UBA6: variants seen among roughly 807,000 people sequenced by gnomAD.
The protein encoded by UBA6 is ubiquitin-like modifier-activating enzyme 6.
A neutral mutation model predicts 148.3 loss-of-function variants in UBA6; 87 were observed. That is an observed-to-expected ratio of 0.59 (90% CI 0.49 to 0.70). The LOEUF is 0.70. Among genes scored for constraint, UBA6 ranks in the 30% least tolerant of loss-of-function variants. The pLI, the probability that UBA6 is intolerant of heterozygous loss-of-function variation, is 0.00. For synonymous variants in UBA6, 376 were observed against 401.0 expected (o/e 0.94, Z 0.75); for missense variants, 1,186 against 1,241.2 (o/e 0.96, Z 0.67).
At chr4:67,663,582 T>A (rs1262552270) in intron 11 of UBA6, 1 of 396,106 alleles carries the variant, frequency 2.5e-6, no homozygotes, top group African/African-American at 2.0e-5. Flanking sequence ...ATTCAGAAAA[T>A]CTTTTAATAA....
At chr4:67,620,130 G>C (rs1225428967) in intron 32 of UBA6, among the ~76,000 whole-genome samples, 1 of 148,182 alleles carries the variant, frequency 6.7e-6, no homozygotes, top group African/African-American at 2.6e-5. Flanking sequence ...CCTCATACTT[G>C]AGTCATTCCA....
chr4:67,686,952 TAAAAAAAA>T (rs546442640), intron 2 of UBA6, among the ~76,000 whole-genome samples: 2 of 57,182 alleles, frequency 3.5e-5, no homozygotes, highest in Non-Finnish European at 6.1e-5. Flanking sequence ...ATCCTGTCTC[TAAAAAAAA>T]AAAAAAAAAA....
chr4:67,634,817 T>A (rs1458575888), intron 20 of UBA6, among the ~76,000 whole-genome samples: 1 of 152,092 alleles, frequency 6.6e-6, no homozygotes, highest in Non-Finnish European at 1.5e-5. Flanking sequence ...TTTTTCCTCA[T>A]GAATCAAGGT....
At chr4:67,642,322 T>G (rs1185027128) in intron 17 of UBA6, among the ~76,000 whole-genome samples, 1 of 152,102 alleles carries the variant, frequency 6.6e-6, no homozygotes, top group Non-Finnish European at 1.5e-5. Flanking sequence ...ACTTAAGATC[T>G]AAAATTTATT....
Position 67,618,978 on chromosome 4 carries a change from A to AAT in UBA6, c.*18_*19insAT. On this transcript the variant is annotated 3_prime_UTR_variant, in exon 33 of 33. Coordinates refer to ENST00000322244, the MANE Select transcript of UBA6 (RefSeq NM_018227.6). Reference sequence around the variant, plus strand: ...TTCCAAAATCAAGTGGTCCTGGAGTAACGTTAAGACAACTTGTATTAATCA... The same window carrying AAT: ...TTCCAAAATCAAGTGGTCCTGGAGTAATACGTTAAGACAACTTGTATTAATCA... The AAT allele has an allele frequency of 6.2e-7, 1 of 1,610,246 alleles. No homozygotes were observed. The highest frequency in any genetic ancestry group is 8.5e-7 in the Non-Finnish European group (1 of 1,178,780).
In UBA6 at chr4:67,622,700, C is replaced by T. The variant is rs1434244051; in HGVS notation, c.3023+131G>A. The T allele has an allele frequency of 6.4e-6, 4 of 629,310 alleles. No homozygotes were observed. In the African/African-American group the frequency reaches 7.6e-5, roughly 12 times the overall value. 39.0% of individuals were successfully genotyped at this position (629,310 alleles called of 1,614,324 possible). On this transcript the variant is annotated intron_variant, in intron 32 of 32. Transcript: ENST00000322244. ...GGCCTTCACCTGGCAGATTCACTGT[C>T]TTTATTAATGTCATTAGACAAGACT...
chr4:67,634,540 C>T (rs1304297233), intron 20 of UBA6, 22 bp from the exon 21 acceptor site: 1 of 1,524,994 alleles, frequency 6.6e-7, no homozygotes, highest in African/African-American at 1.4e-5. Flanking sequence ...AATATGACAA[C>T]AGGTACTTAA....
At chr4:67,677,124 G>A (rs1319489034) in intron 6 of UBA6, among the ~76,000 whole-genome samples, 1 of 152,160 alleles carries the variant, frequency 6.6e-6, no homozygotes, top group East Asian at 1.9e-4. Context: ...TGGCCGACAG[G>A]ATGTTAATGG....
intron 9 of UBA6, 44 bp from the exon 10 acceptor site, chr4:67,665,336 ATATT>A: frequency 2.5e-6 from 3 of 1,202,746 alleles, no homozygotes; most frequent in Non-Finnish European, 3.6e-6. Context: ...AGGGATATAG[ATATT>A]TAAATTTCAA....
At chr4:67,649,940 A>G (rs1377825069) in intron 13 of UBA6, among the ~76,000 whole-genome samples, 1 of 152,170 alleles carries the variant, frequency 6.6e-6, no homozygotes, top group African/African-American at 2.4e-5. Context: ...CCTATGTAAA[A>G]GAAGAGTTCT....
intron 14 of UBA6, among the ~76,000 whole-genome samples, chr4:67,648,283 A>G (rs1560486153): frequency 2.0e-5 from 3 of 151,516 alleles, no homozygotes. Context: ...TCTGGCCAAC[A>G]TAATGAAATC....
chr4:67,637,902 C>T lies in UBA6; in HGVS notation c.1736+1041G>A, dbSNP rs978553798. On this transcript the variant is annotated intron_variant, in intron 19 of 32. Coordinates refer to ENST00000322244, the MANE Select transcript of UBA6 (RefSeq NM_018227.6). ...CTATTGTCCTATGACCCTGCCAAAT[C>T]CCCCTATGCGAGAAACACCCAAGAA... is the stretch of plus-strand genomic sequence containing the variant. 4.0e-5 allele frequency among the ~76,000 whole-genome samples: 6 copies of T among 151,016 alleles called. 1 individual carries two copies. The highest frequency in any genetic ancestry group is 1.5e-4 in the African/African-American group (6 of 41,114).
At chr4:67,648,165 C>A (rs1460053018) in intron 14 of UBA6, among the ~76,000 whole-genome samples, 2 of 151,564 alleles carry the variant, frequency 1.3e-5, no homozygotes, top group East Asian at 2.0e-4. Flanking sequence ...TATGTGAGTA[C>A]CTTTTAAAAT....
chr4:67,667,198 T>C (rs1046834206), intron 9 of UBA6, among the ~76,000 whole-genome samples: 1 of 142,814 alleles, frequency 7.0e-6, no homozygotes, highest in African/African-American at 2.5e-5. Flanking sequence ...TTAATTTTAA[T>C]AAAAAACAGA....
At chr4:67,673,474 A>G (rs1194908375) in intron 7 of UBA6, among the ~76,000 whole-genome samples, 1 of 151,856 alleles carries the variant, frequency 6.6e-6, no homozygotes, top group Non-Finnish European at 1.5e-5. Context: ...CATCCTTTCC[A>G]TTCCTAACAT....
Position 67,663,951 on chromosome 4 carries a change from A to C in UBA6, c.898-4T>G, listed in dbSNP as rs1175303625. ...TTAACTGCCTCTCCAGTGATTCCTG[A>C]TAGGAAGGAAAAAGTCATTACTTCA... On this transcript the variant is annotated splice_polypyrimidine_tract_variant and splice_region_variant and intron_variant, in intron 10 of 32. Transcript: ENST00000322244. 1 of 1,611,280 alleles carries C rather than the reference A, an allele frequency of 6.2e-7. No individual in the cohort carries two copies. The highest frequency in any genetic ancestry group is 8.5e-7 in the Non-Finnish European group (1 of 1,178,668).
chr4:67,629,010 G>C, intron 27 of UBA6, 61 bp downstream of exon 27: 1 of 1,159,006 alleles, frequency 8.6e-7, no homozygotes, highest in Non-Finnish European at 1.3e-6. Context: ...GTTTAGAATG[G>C]GACTTGGTAC....
At chr4:67,635,993 TG>T (rs1457804705) in intron 19 of UBA6, among the ~76,000 whole-genome samples, 1 of 152,206 alleles carries the variant, frequency 6.6e-6, no homozygotes, top group Non-Finnish European at 1.5e-5. Flanking sequence ...TTCCCCTCTT[TG>T]GCCCAAGATT....
At chr4:67,690,835 T>C (rs1388811899) in intron 2 of UBA6, among the ~76,000 whole-genome samples, 1 of 152,146 alleles carries the variant, frequency 6.6e-6, no homozygotes, top group African/African-American at 2.4e-5. Flanking sequence ...ATTGGAACTT[T>C]TGTGCACTGT....
Sources: allele counts gnomAD v4.1 joint callset (sites outside exome capture counted in the v4.1 genomes callset), GRCh38; gene constraint gnomAD v4.1.1; transcripts MANE v1.5; gene names NCBI Gene and HGNC (gene_info 2026-07-23, HGNC 2026-07-21).